Variants in POP1 observed in about 807,000 individuals in gnomAD.
The protein encoded by POP1 is POP1 ribonuclease P/MRP subunit.
In POP1, 75 loss-of-function variants were observed where a neutral mutation model predicts 102.2. The observed-to-expected ratio is 0.73, with a 90% CI of 0.61 to 0.89. POP1 has a LOEUF of 0.89. POP1 is among the 40% of genes least tolerant of loss of function. POP1 has a pLI of 0.00. For synonymous variants in POP1, 436 were observed against 464.1 expected (o/e 0.94, Z 0.78); for missense variants, 1,116 against 1,267.4 (o/e 0.88, Z 1.81).
intron 8 of POP1, 48 bp downstream of exon 8, chr8:98,136,786 C>T: frequency 1.2e-6 from 2 of 1,610,182 alleles, no homozygotes; most frequent in South Asian, 2.2e-5. Flanking sequence ...TCAGTGAAGA[C>T]CTGCTCCATT....
chr8:98,124,559 A>G (rs950154388), intron 2 of POP1, among the ~76,000 whole-genome samples: 3 of 152,062 alleles, frequency 2.0e-5, no homozygotes, highest in Non-Finnish European at 4.4e-5. Flanking sequence ...ACTGTCCCAA[A>G]AAAAAGGAAA....
Position 98,128,430 on chromosome 8 carries a change from T to C in POP1, c.376T>C (p.Ser126Pro). The change falls in exon 4 of 16, where the codon TCT becomes CCT. Residue 126 changes from serine to proline, a missense_variant. By Grantham distance (74) the Ser-to-Pro change is moderately conservative (BLOSUM62 -1). Transcript: ENST00000401707. ...TATGTTAAAAGCTGTGACCCAGAAGTCTTCGAATTCACTGGTTTTTCAGAC... is the reference window on the plus strand; with the variant it reads ...TATGTTAAAAGCTGTGACCCAGAAGCCTTCGAATTCACTGGTTTTTCAGAC... ...SAMLKAVTQK[S>P]SNSLVFQTLP... 6.2e-7 allele frequency: 1 copy of C among 1,614,058 alleles called. No individual in the cohort carries two copies.
intron 7 of POP1, 148 bp from the exon 8 acceptor site, chr8:98,136,334 C>T (rs1816538353): frequency 1.2e-6 from 1 of 821,154 alleles, no homozygotes. Flanking sequence ...CCTCGGCCTC[C>T]CAAAGTGCTG....
In POP1 at chr8:98,155,927, G is replaced by GTGTA. The variant is rs1273510394; in HGVS notation, c.2058-120_2058-119insATGT. On this transcript the variant is annotated intron_variant, in intron 14 of 15. Coordinates refer to ENST00000401707, the MANE Select transcript of POP1 (RefSeq NM_001145860.2). ...AAAGCTTTTGTGTGTGTGTGTGTGT[G>GTGTA]TGTGTGTGTGTGTGTGTGTGTGTGT... The GTGTA allele has an allele frequency of 4.3e-6, 3 of 691,784 alleles. No homozygotes were observed. The East Asian group carries it at 8.6e-5, about 20-fold the overall frequency. 42.9% of individuals were successfully genotyped at this position (691,784 alleles called of 1,614,324 possible). A position where few individuals can be genotyped will look rare whatever the true frequency, so the allele number is the denominator to read the frequency against.
intron 12 of POP1, among the ~76,000 whole-genome samples, chr8:98,147,719 C>T (rs996472252): frequency 3.3e-5 from 5 of 151,986 alleles, no homozygotes; most frequent in Admixed American, 1.3e-4. Context: ...TGATGTTTAA[C>T]GCATATTCCT....
chr8:98,117,551 T>G (rs559643093), intron 1 of POP1, among the ~76,000 whole-genome samples, 161 bp downstream of exon 1: 2 of 152,174 alleles, frequency 1.3e-5, no homozygotes, highest in Non-Finnish European at 2.9e-5. Flanking sequence ...CTCCCTGGTG[T>G]CGCATCTCCT....
At chr8:98,135,758 G>T (rs1203677422) in intron 7 of POP1, among the ~76,000 whole-genome samples, 1 of 151,920 alleles carries the variant, frequency 6.6e-6, no homozygotes, top group African/African-American at 2.4e-5. Flanking sequence ...GAGTGCAGTG[G>T]TGCAGTCATA....
intron 1 of POP1, among the ~76,000 whole-genome samples, chr8:98,119,131 T>C (rs1340088366): frequency 6.6e-6 from 1 of 152,230 alleles, no homozygotes; most frequent in Admixed American, 6.5e-5. Context: ...ATTGGGCACA[T>C]AGTAGGTGCC....
At chr8:98,136,328 G>A (rs2130602481) in intron 7 of POP1, among the ~76,000 whole-genome samples, 154 bp from the exon 8 acceptor site, 1 of 150,916 alleles carries the variant, frequency 6.6e-6, no homozygotes, top group Middle Eastern at 3.4e-3. Context: ...TACCCACCTC[G>A]GCCTCCCAAA....
At chr8:98,147,139 G>A (rs777478537) in intron 12 of POP1, among the ~76,000 whole-genome samples, 1 of 152,184 alleles carries the variant, frequency 6.6e-6, no homozygotes, top group Non-Finnish European at 1.5e-5. Flanking sequence ...CAGACATTGT[G>A]TAAGATGCTG....
intron 9 of POP1, 52 bp from the exon 10 acceptor site, chr8:98,140,026 T>C: frequency 7.2e-7 from 1 of 1,396,164 alleles, no homozygotes. Flanking sequence ...ATGACAAAAT[T>C]ATGAAGGTGG....
chr8:98,136,754 G>C lies in POP1; in HGVS notation c.1268+16G>C, dbSNP rs761605092. 2.5e-6 allele frequency: 4 copies of C among 1,613,712 alleles called. No individual in the cohort carries two copies. In the African/African-American group the frequency reaches 5.3e-5, roughly 22 times the overall value. On this transcript the variant is annotated intron_variant, in intron 8 of 15. Transcript: ENST00000401707. The stretch of plus-strand genomic sequence containing the variant: ...TTATAATCAGGTATGAGTTGAATTT[G>C]CTTTGAACCTACTGAACATTTTCAG...
chr8:98,137,406 G>A (rs1482489577), intron 9 of POP1, among the ~76,000 whole-genome samples: 2 of 151,954 alleles, frequency 1.3e-5, no homozygotes, highest in African/African-American at 2.4e-5. Context: ...GGGTTCAAGC[G>A]ATTCTCCTGC....
chr8:98,140,192 A>G lies in POP1; in HGVS notation c.1474+3A>G, dbSNP rs1816666361. On this transcript the variant is annotated splice_donor_region_variant and intron_variant, in intron 10 of 15. Transcript: ENST00000401707. The stretch of plus-strand genomic sequence containing the variant: ...AGCCATTTTCGAGTTGTTGGGAGGT[A>G]TACAAAGGGAAGACTGGGTTGTGTT... The G allele has an allele frequency of 6.2e-7, 1 of 1,613,318 alleles. No individual in the cohort carries two copies. Among genetic ancestry groups the G allele is most frequent in the Non-Finnish European group, 8.5e-7 (1 of 1,179,344 alleles).
At chr8:98,122,558 G>T (rs1816061430) in intron 1 of POP1, among the ~76,000 whole-genome samples, 1 of 152,166 alleles carries the variant, frequency 6.6e-6, no homozygotes, top group African/African-American at 2.4e-5. Context: ...TTTATGGATT[G>T]TGCCAATGCC....
At chr8:98,125,977 C>G (rs1362060431) in intron 2 of POP1, among the ~76,000 whole-genome samples, 1 of 151,942 alleles carries the variant, frequency 6.6e-6, no homozygotes, top group Non-Finnish European at 1.5e-5. Context: ...TCCCGAGTAA[C>G]TGGGGCTACA....
At position 98,128,466 on chromosome 8, in the gene POP1, C is replaced by T; in HGVS notation, c.412C>T (p.His138Tyr). ...ACTGGTTTTTCAGACTCTGCCACGGCACATGCGACGAAGAGCCATGAGCCA... is the reference window on the plus strand; with the variant it reads ...ACTGGTTTTTCAGACTCTGCCACGGTACATGCGACGAAGAGCCATGAGCCA... ...NSLVFQTLPR[H>Y]MRRRAMSHNV... Residue 138 changes from histidine to tyrosine, a missense_variant, in exon 4 of 16, where the codon CAC becomes TAC. By Grantham distance (83) the His-to-Tyr change is moderately conservative. Transcript: ENST00000401707. 6.2e-7 allele frequency: 1 copy of T among 1,614,012 alleles called. No homozygotes were observed. The highest frequency in any genetic ancestry group is 8.5e-7 in the Non-Finnish European group (1 of 1,179,936).
Position 98,158,482 on chromosome 8 carries a change from T to G in POP1, c.*211T>G. 1.7e-6 allele frequency: 1 copy of G among 596,244 alleles called. No individual in the cohort carries two copies. The highest frequency in any genetic ancestry group is 2.9e-6 in the Non-Finnish European group (1 of 345,802). 36.9% of individuals were successfully genotyped at this position (596,244 alleles called of 1,614,324 possible). On this transcript the variant is annotated 3_prime_UTR_variant, in exon 16 of 16. Transcript: ENST00000401707. ...CTTTCCCTGTCCTTGCTGTAATACTTTTAAATTATTTGGCCAAAAGCTTTG... is the reference window on the plus strand; with the variant it reads ...CTTTCCCTGTCCTTGCTGTAATACTGTTAAATTATTTGGCCAAAAGCTTTG...
At chr8:98,144,391 G>A (rs1563780948) in intron 11 of POP1, among the ~76,000 whole-genome samples, 3 of 151,272 alleles carry the variant, frequency 2.0e-5, no homozygotes, top group Admixed American at 1.3e-4. Context: ...TCCTCCCACC[G>A]CAGCCCCCCA....
Sources: gnomAD v4.1 joint callset for allele counts (sites outside exome capture counted in the v4.1 genomes callset) on GRCh38, gnomAD v4.1.1 for gene constraint, MANE v1.5 for transcripts, NCBI Gene and HGNC (gene_info 2026-07-23, HGNC 2026-07-21) for gene names.